Variants in CNTN4 observed in about 807,000 individuals in gnomAD.
CNTN4 encodes contactin-4.
Under a neutral mutation model 122.5 loss-of-function variants are expected in CNTN4, and 77 were observed. That is an observed-to-expected ratio of 0.63 (90% CI 0.52 to 0.76). The LOEUF is 0.76. Ranked by LOEUF, CNTN4 falls within the 30% of genes least tolerant of loss-of-function variation. The pLI, the probability that CNTN4 is intolerant of heterozygous loss-of-function variation, is 0.00. For synonymous variants in CNTN4, 512 were observed against 447.0 expected, an observed-to-expected ratio of 1.15 and a Z score of -1.83; for missense variants, 1,256 against 1,259.1, an observed-to-expected ratio of 1.00 and a Z score of 0.04.
intron 3 of CNTN4, among the ~76,000 whole-genome samples, chr3:2,460,256 T>A (rs1159320953): frequency 6.6e-6 from 1 of 152,182 alleles, no homozygotes; most frequent in Admixed American, 6.6e-5. Context: ...TGGTCATCAT[T>A]GTTTTTCAGG....
intron 4 of CNTN4, among the ~76,000 whole-genome samples, chr3:2,660,289 G>C (rs902405399): frequency 2.0e-5 from 3 of 152,268 alleles, no homozygotes; most frequent in African/African-American, 7.2e-5. Flanking sequence ...GAGTCTGCAA[G>C]GACTTATTTA....
intron 4 of CNTN4, among the ~76,000 whole-genome samples, chr3:2,588,120 A>C (rs1239691265): frequency 6.6e-6 from 1 of 151,944 alleles, no homozygotes; most frequent in African/African-American, 2.4e-5. Context: ...ATCACTTGTT[A>C]TAAGTAAAAA....
At chr3:2,391,236 A>G (rs558017827) in intron 3 of CNTN4, among the ~76,000 whole-genome samples, 89 of 152,348 alleles carry the variant, frequency 5.8e-4, no homozygotes, top group Non-Finnish European at 9.1e-4. Flanking sequence ...TGACTGAAGC[A>G]TAAGAGTGAA....
Position 2,793,233 on chromosome 3 carries a change from G to T in CNTN4, c.359-26253G>T, listed in dbSNP as rs145830898. On this transcript the variant is annotated intron_variant, in intron 6 of 24. Coordinates refer to ENST00000418658, the MANE Select transcript of CNTN4 (RefSeq NM_175607.3). ...ACTCTTCACTCTCGATTCCTATCACGCTTCTGCTTGTTTCTCCAAAGCTAT... is the reference window on the plus strand; with the variant it reads ...ACTCTTCACTCTCGATTCCTATCACTCTTCTGCTTGTTTCTCCAAAGCTAT... 8.6e-5 allele frequency among the ~76,000 whole-genome samples: 13 copies of T among 152,020 alleles called. No individual in the cohort carries two copies. The South Asian group carries it at 1.2e-3, about 15-fold the overall frequency.
chr3:2,360,470 A>G (rs938788006), intron 3 of CNTN4, among the ~76,000 whole-genome samples: 4 of 152,220 alleles, frequency 2.6e-5, no homozygotes, highest in African/African-American at 9.6e-5. Context: ...GCCCAATGAA[A>G]TATGAACACA....
chr3:2,392,394 A>T (rs2046471548), intron 3 of CNTN4, among the ~76,000 whole-genome samples: 1 of 152,160 alleles, frequency 6.6e-6, no homozygotes, highest in Non-Finnish European at 1.5e-5. Context: ...TCTGGTCATT[A>T]AATGTCTCTG....
intron 11 of CNTN4, among the ~76,000 whole-genome samples, chr3:2,902,107 C>A (rs1440098747): frequency 6.6e-6 from 1 of 152,118 alleles, no homozygotes; most frequent in Non-Finnish European, 1.5e-5. Context: ...AATAAAGTGT[C>A]CACTCAGCTA....
chr3:2,738,474 TAA>T (rs1168030312), intron 5 of CNTN4, among the ~76,000 whole-genome samples: 1 of 152,152 alleles, frequency 6.6e-6, no homozygotes, highest in Non-Finnish European at 1.5e-5. Flanking sequence ...AAGGAAATTT[TAA>T]AAGACATACT....
At chr3:2,285,496 C>T (rs6442723) in intron 2 of CNTN4, among the ~76,000 whole-genome samples, 140,535 of 152,108 alleles carry the variant, frequency 0.92, 64,999 homozygotes, top group East Asian at 1. Flanking sequence ...CCTCTCCCTG[C>T]ACATTTTTTA....
intron 4 of CNTN4, among the ~76,000 whole-genome samples, chr3:2,621,754 A>G (rs2081999123): frequency 6.6e-6 from 1 of 152,182 alleles, no homozygotes; most frequent in African/African-American, 2.4e-5. Context: ...GTACAGTTGT[A>G]AGCAGCATTT....
intron 4 of CNTN4, among the ~76,000 whole-genome samples, chr3:2,664,623 C>A (rs1282887187): frequency 6.6e-6 from 1 of 152,082 alleles, no homozygotes; most frequent in African/African-American, 2.4e-5. Context: ...CCAAAGTGAG[C>A]CCAGCCACAT....
At chr3:2,842,143 G>A (rs982089608) in intron 7 of CNTN4, among the ~76,000 whole-genome samples, 1 of 152,088 alleles carries the variant, frequency 6.6e-6, no homozygotes, top group African/African-American at 2.4e-5. Flanking sequence ...CTTCTTCTAG[G>A]AATTGAGCTT....
intron 2 of CNTN4, among the ~76,000 whole-genome samples, chr3:2,263,636 T>A (rs1407665174): frequency 6.6e-6 from 1 of 152,064 alleles, no homozygotes; most frequent in Admixed American, 6.6e-5. Flanking sequence ...TTGGGAATAC[T>A]GCAAATCTTC....
chr3:2,472,073 G>A (rs939001236), intron 3 of CNTN4, among the ~76,000 whole-genome samples: 1 of 151,690 alleles, frequency 6.6e-6, no homozygotes, highest in African/African-American at 2.4e-5. Context: ...AAATTAGCCG[G>A]GGGTGGTGGT....
intron 2 of CNTN4, among the ~76,000 whole-genome samples, chr3:2,189,690 T>C (rs2037435582): frequency 6.6e-6 from 1 of 151,920 alleles, no homozygotes; most frequent in Non-Finnish European, 1.5e-5. Flanking sequence ...GCGCTCTTCA[T>C]TATTCATGAA....
chr3:2,117,013 C>T (rs1204420766), intron 2 of CNTN4, among the ~76,000 whole-genome samples: 1 of 152,172 alleles, frequency 6.6e-6, no homozygotes, highest in African/African-American at 2.4e-5. Flanking sequence ...TTCCAGCAGA[C>T]ACTAACTCAG....
At chr3:2,470,540 T>G (rs1332230428) in intron 3 of CNTN4, among the ~76,000 whole-genome samples, 1 of 152,170 alleles carries the variant, frequency 6.6e-6, no homozygotes, top group Non-Finnish European at 1.5e-5. Context: ...TCTCTTAACT[T>G]CACATATAGT....
At chr3:2,213,124 G>A (rs2038691693) in intron 2 of CNTN4, among the ~76,000 whole-genome samples, 1 of 152,180 alleles carries the variant, frequency 6.6e-6, no homozygotes. Flanking sequence ...TGAAATTACT[G>A]TTTTAAAGTA....
chr3:2,893,852 G>A (rs937916956), intron 10 of CNTN4, among the ~76,000 whole-genome samples: 4 of 152,100 alleles, frequency 2.6e-5, no homozygotes, highest in African/African-American at 9.7e-5. Flanking sequence ...GCTTGTCTAA[G>A]CAGGAGGGCT....
Sources: gnomAD v4.1 joint callset for allele counts (sites outside exome capture counted in the v4.1 genomes callset) on GRCh38, gnomAD v4.1.1 for gene constraint, MANE v1.5 for transcripts, NCBI Gene and HGNC (gene_info 2026-07-23, HGNC 2026-07-21) for gene names.